ABTB3: variants seen among roughly 807,000 people sequenced by gnomAD.
The protein encoded by ABTB3 is ankyrin repeat and BTB domain containing 3.
the ABTB3 span, among the ~76,000 whole-genome samples, chr12:107,546,081 A>G: frequency 6.6e-6 from 1 of 152,064 alleles, no homozygotes; most frequent in African/African-American, 2.4e-5. Flanking sequence ...TCTGCCTCAT[A>G]CTTAACGTAA....
At chr12:107,620,089 T>G in the ABTB3 span, 6 of 1,614,070 alleles carry the variant, frequency 3.7e-6, no homozygotes, top group African/African-American at 1.3e-5. Context: ...TTAAGACCAT[T>G]CAGGAGGAGG....
At chr12:107,319,078 G>T in the ABTB3 span, 3 of 1,611,382 alleles carry the variant, frequency 1.9e-6, no homozygotes, top group Non-Finnish European at 2.5e-6. Context: ...CGGCGTCCCC[G>T]TATGGCGGGA....
chr12:107,466,277 A>C, the ABTB3 span, among the ~76,000 whole-genome samples: 1 of 151,976 alleles, frequency 6.6e-6, no homozygotes, highest in African/African-American at 2.4e-5. Flanking sequence ...AAGAGGATGG[A>C]GCAGAGGTTA....
At chr12:107,638,686 G>A in the ABTB3 span, among the ~76,000 whole-genome samples, 1 of 152,164 alleles carries the variant, frequency 6.6e-6, no homozygotes, top group African/African-American at 2.4e-5. Context: ...AGTTTATTGA[G>A]GGATACTTAT....
chr12:107,597,749 G>GT, the ABTB3 span, among the ~76,000 whole-genome samples: 3 of 152,196 alleles, frequency 2.0e-5, no homozygotes, highest in Non-Finnish European at 4.4e-5. Flanking sequence ...GTCATGTAAT[G>GT]TATCAGCCAT....
the ABTB3 span, among the ~76,000 whole-genome samples, chr12:107,359,604 T>C: frequency 2.6e-5 from 4 of 152,138 alleles, no homozygotes; most frequent in African/African-American, 4.8e-5. Context: ...CCGAGTGTTA[T>C]TTAGGACTTT....
chr12:107,382,703 T>C, the ABTB3 span, among the ~76,000 whole-genome samples: 567 of 151,098 alleles, frequency 3.8e-3, 1 homozygote, highest in Middle Eastern at 0.014. Context: ...AAGTGGGAGT[T>C]GAACAATGAG....
chr12:107,524,980 G>A, the ABTB3 span, among the ~76,000 whole-genome samples: 3 of 152,116 alleles, frequency 2.0e-5, no homozygotes, highest in African/African-American at 4.8e-5. Context: ...CAAGTGCTGC[G>A]TCATGACATT....
At chr12:107,380,413 C>G in the ABTB3 span, among the ~76,000 whole-genome samples, 5 of 152,192 alleles carry the variant, frequency 3.3e-5, no homozygotes, top group African/African-American at 1.2e-4. Context: ...CACACCAGAA[C>G]TTGGCTGCGT....
chr12:107,623,694 C>A, the ABTB3 span, among the ~76,000 whole-genome samples: 2 of 152,148 alleles, frequency 1.3e-5, no homozygotes, highest in African/African-American at 2.4e-5. Flanking sequence ...ACACATCATT[C>A]CCCTGGGCAT....
At chr12:107,651,799 C>A in the ABTB3 span, 2 of 1,606,030 alleles carry the variant, frequency 1.2e-6, no homozygotes, top group South Asian at 2.2e-5. Context: ...TAATCAATCT[C>A]ATTCTCGCGC....
the ABTB3 span, among the ~76,000 whole-genome samples, chr12:107,371,279 T>G: frequency 3.3e-5 from 5 of 152,082 alleles, no homozygotes; most frequent in African/African-American, 1.2e-4. Flanking sequence ...GAAAGGAGAT[T>G]TAGGAAATCT....
chr12:107,556,422 T>G, the ABTB3 span, among the ~76,000 whole-genome samples: 1 of 152,108 alleles, frequency 6.6e-6, no homozygotes, highest in Non-Finnish European at 1.5e-5. Context: ...ATGAGGATCT[T>G]CAGGCTCAGA....
chr12:107,435,506 T>C, the ABTB3 span, among the ~76,000 whole-genome samples: 3 of 152,260 alleles, frequency 2.0e-5, no homozygotes, highest in African/African-American at 7.2e-5. Context: ...ATGAAGGTAC[T>C]GTAAGGACAG....
chr12:107,620,151 T>C, the ABTB3 span: 9 of 1,614,108 alleles, frequency 5.6e-6, no homozygotes, highest in Non-Finnish European at 7.6e-6. Context: ...TTTGAGATCC[T>C]GAAAGCGAGC....
the ABTB3 span, among the ~76,000 whole-genome samples, chr12:107,495,647 C>A: frequency 9.2e-5 from 14 of 152,198 alleles, no homozygotes; most frequent in African/African-American, 2.9e-4. Context: ...TCCATGAATA[C>A]CCCCTGAACT....
At chr12:107,522,002 G>A in the ABTB3 span, among the ~76,000 whole-genome samples, 1 of 152,066 alleles carries the variant, frequency 6.6e-6, no homozygotes, top group Admixed American at 6.5e-5. Context: ...CATGGTTCTA[G>A]GGGCTGGGAA....
the ABTB3 span, chr12:107,635,382 CG>C: frequency 6.2e-7 from 1 of 1,613,772 alleles, no homozygotes; most frequent in Non-Finnish European, 8.5e-7. Context: ...AAACAGACCT[CG>C]CGCTTGGGTG....
chr12:107,401,372 C>T, the ABTB3 span, among the ~76,000 whole-genome samples: 7 of 152,170 alleles, frequency 4.6e-5, no homozygotes, highest in Admixed American at 2.0e-4. Flanking sequence ...GCTGGCTCTC[C>T]GCTTTGGTGA....
Sources: gnomAD v4.1 joint callset for allele counts (sites outside exome capture counted in the v4.1 genomes callset) on GRCh38, gnomAD v4.1.1 for gene constraint, MANE v1.5 for transcripts, NCBI Gene and HGNC (gene_info 2026-07-23, HGNC 2026-07-21) for gene names.